The following CACNA1C variants were observed in gnomAD, a reference collection of about 807,000 sequenced individuals.
The protein encoded by CACNA1C is voltage-dependent L-type calcium channel subunit alpha-1C.
A neutral mutation model predicts 229.0 loss-of-function variants in CACNA1C; 30 were observed. The ratio of observed to expected loss-of-function variants is 0.13; its 90% CI spans 0.10 to 0.18. The LOEUF is 0.18. Among genes scored for constraint, CACNA1C ranks in the 10% least tolerant of loss-of-function variants. CACNA1C has a pLI of 1.00. For missense variants in CACNA1C, 1,658 were observed against 2,845.0 expected, an observed-to-expected ratio of 0.58 and a Z score of 9.49; for synonymous variants, 1,114 against 1,132.5, an observed-to-expected ratio of 0.98 and a Z score of 0.33.
chr12:2,021,406 C>G (rs1209767797), intron 1 of CACNA1C, among the ~76,000 whole-genome samples: 1 of 152,092 alleles, frequency 6.6e-6, no homozygotes, highest in Non-Finnish European at 1.5e-5. Flanking sequence ...TTGCCGGGCA[C>G]TATGGCTCAC....
At chr12:2,008,205 C>A (rs1308093555) in intron 1 of CACNA1C, among the ~76,000 whole-genome samples, 2 of 152,148 alleles carry the variant, frequency 1.3e-5, no homozygotes. Flanking sequence ...GCAGACTTGA[C>A]CTCCTGGGTT....
chr12:2,428,788 G>T (rs1391714079), intron 3 of CACNA1C, among the ~76,000 whole-genome samples: 1 of 152,240 alleles, frequency 6.6e-6, no homozygotes, highest in East Asian at 1.9e-4. Flanking sequence ...GCCCTGGGCA[G>T]TGACTTTGCA....
At chr12:2,663,523 A>T (rs1287737114) in intron 34 of CACNA1C, among the ~76,000 whole-genome samples, 1 of 152,112 alleles carries the variant, frequency 6.6e-6, no homozygotes, top group Admixed American at 6.6e-5. Context: ...CTGCACACAC[A>T]CATTTATAGC....
intron 4 of CACNA1C, among the ~76,000 whole-genome samples, chr12:2,451,218 G>T (rs1020669188): frequency 1.3e-5 from 2 of 152,344 alleles, no homozygotes; most frequent in Non-Finnish European, 1.5e-5. Context: ...TAAACAAAGA[G>T]TGGCTAAACG....
rs935489458 is a variant in CACNA1C, at chr12:2,146,651, C to T, written c.477+26221C>T. On this transcript the variant is annotated intron_variant, in intron 3 of 46. Coordinates refer to ENST00000399655, the MANE Select transcript of CACNA1C (RefSeq NM_000719.7). ...ATTGGAAAGGCATATTCTGTGTTTC[C>T]ACTATTGACAGCCTCAATTATTGGT... Among the ~76,000 whole-genome samples the T allele has an allele frequency of 7.3e-5, 11 of 151,194 alleles. No homozygotes were observed. In the Middle Eastern group the frequency reaches 0.01, roughly 141 times the overall value.
At chr12:2,445,424 A>C (rs2154561898) in intron 3 of CACNA1C, among the ~76,000 whole-genome samples, 1 of 152,298 alleles carries the variant, frequency 6.6e-6, no homozygotes, top group Admixed American at 6.5e-5. Flanking sequence ...TGCTTGAGTT[A>C]ATGTTGGATT....
chr12:2,099,409 T>C lies in CACNA1C; in HGVS notation c.50-15815T>C, dbSNP rs568535569. On this transcript the variant is annotated intron_variant, in intron 1 of 46. Transcript: ENST00000399655. ...GTGTGCTGAGTTCTTATGGGACTTC[T>C]TGCTTCTTTCTCTGTGGCTGCAGGG... Among the ~76,000 whole-genome samples the C allele has an allele frequency of 1.3e-4, 19 of 151,920 alleles. No individual in the cohort carries two copies. The East Asian group carries it at 3.7e-3, about 30-fold the overall frequency.
At chr12:2,290,233 GC>G (rs2093332902) in intron 3 of CACNA1C, among the ~76,000 whole-genome samples, 1 of 152,176 alleles carries the variant, frequency 6.6e-6, no homozygotes, top group Non-Finnish European at 1.5e-5. Context: ...CCTGGCCAGC[GC>G]CTGCCTTGCT....
rs3085990 is a variant in CACNA1C, at chr12:2,067,481, T to TGTGTGTGCGC, written c.49+13871_49+13872insTGTGTGCGCG. 0.032 allele frequency among the ~76,000 whole-genome samples: 4,462 copies of TGTGTGTGCGC among 140,816 alleles called. 84 individuals carry two copies. Among genetic ancestry groups the TGTGTGTGCGC allele is most frequent in the Non-Finnish European group, 0.038 (2,469 of 65,656 alleles). The allele number at this position is 140,816 out of a possible 152,430, so 92.4% of individuals were successfully genotyped here. On this transcript the variant is annotated intron_variant, in intron 1 of 46. Transcript: ENST00000399655. The surrounding 1 kb of genome is among the most constrained non-coding windows in gnomAD (Gnocchi z 5.3). ...GTGTGTGTGTGTGTGTGTGTGTGTG[T>TGTGTGTGCGC]GCGCGCGTGTGCGTGCCTGTATGTA... is the stretch of plus-strand genomic sequence containing the variant.
chr12:2,494,504 G>A (rs760971674), intron 7 of CACNA1C, among the ~76,000 whole-genome samples: 20 of 152,186 alleles, frequency 1.3e-4, no homozygotes, highest in Non-Finnish European at 2.2e-4. Context: ...TTTGCAAATA[G>A]GCAAATTTAT....
At chr12:2,432,174 T>G (rs2099092207) in intron 3 of CACNA1C, among the ~76,000 whole-genome samples, 1 of 152,204 alleles carries the variant, frequency 6.6e-6, no homozygotes, top group Non-Finnish European at 1.5e-5. Context: ...CTTTTTAAAT[T>G]AGATCTGCCT....
At chr12:2,190,875 C>T (rs1023864012) in intron 3 of CACNA1C, among the ~76,000 whole-genome samples, 2 of 152,160 alleles carry the variant, frequency 1.3e-5, no homozygotes, top group Non-Finnish European at 2.9e-5. Context: ...CCTTGGAACC[C>T]GCCCCCTTTT....
intron 1 of CACNA1C, among the ~76,000 whole-genome samples, chr12:2,031,343 C>G (rs147811281): frequency 6.6e-6 from 1 of 152,282 alleles, no homozygotes; most frequent in African/African-American, 2.4e-5. Flanking sequence ...TCCAAACCCT[C>G]TGGTGTCCAA....
In CACNA1C at chr12:2,664,834, C is replaced by A; in HGVS notation, c.4242C>A (p.Thr1414=). ...QAVLLLFRCA[T]GEAWQDIMLA... is the part of the protein sequence containing the mutation. ...TCTCCCTCCCCTCCAGGTGTGCCAC[C>A]GGGGAGGCCTGGCAGGACATCATGC... is the stretch of plus-strand genomic sequence containing the variant. The change falls in exon 35 of 47, where the codon ACC becomes ACA. Residue 1414 remains threonine (T), a synonymous_variant. Transcript: ENST00000399655. 1 of 1,591,970 alleles carries A rather than the reference C, an allele frequency of 6.3e-7. No homozygotes were observed. Among genetic ancestry groups the A allele is most frequent in the Non-Finnish European group, 8.6e-7 (1 of 1,166,952 alleles).
chr12:2,019,397 C>T (rs1228163316), intron 1 of CACNA1C, among the ~76,000 whole-genome samples: 2 of 150,312 alleles, frequency 1.3e-5, no homozygotes, highest in African/African-American at 4.9e-5. Flanking sequence ...GAGTGCAAGG[C>T]TGCAGTGAGC....
At chr12:2,148,847 A>T (rs1039924100) in intron 3 of CACNA1C, among the ~76,000 whole-genome samples, 2 of 152,112 alleles carry the variant, frequency 1.3e-5, no homozygotes, top group African/African-American at 4.8e-5. Flanking sequence ...TTGCCTTGGG[A>T]CCTGTGCTTC....
chr12:2,588,104 T>C (rs141393682), intron 18 of CACNA1C, among the ~76,000 whole-genome samples: 4 of 152,336 alleles, frequency 2.6e-5, no homozygotes, highest in African/African-American at 9.6e-5. Flanking sequence ...CTGGATCCTT[T>C]AGTGCCAGGT....
At position 2,029,217 on chromosome 12, in the gene CACNA1C, C is replaced by T. The variant is rs1425304293; in HGVS notation, c.139+58016C>T. ...ACAGTCCTGGGAACCTGCATTCTAT[C>T]GGAAAGCCAGTTGTCATTCGTGGGG... On this transcript the variant is annotated intron_variant, in intron 1 of 46. Coordinates refer to the CACNA1C transcript ENST00000682462. This position sits in a 1 kb window ranked among gnomAD's most constrained non-coding sequence, Gnocchi z 4.9. Among the ~76,000 whole-genome samples the T allele has an allele frequency of 1.3e-5, 2 of 152,162 alleles. No homozygotes were observed. The highest frequency in any genetic ancestry group is 2.9e-5 in the Non-Finnish European group (2 of 68,014).
At chr12:2,211,573 C>T (rs1210433614) in intron 3 of CACNA1C, among the ~76,000 whole-genome samples, 1 of 152,190 alleles carries the variant, frequency 6.6e-6, no homozygotes, top group Non-Finnish European at 1.5e-5. Context: ...AGCAGACTCT[C>T]CTTCTTCTAA....
Sources: gnomAD v4.1 joint callset for allele counts (sites outside exome capture counted in the v4.1 genomes callset) on GRCh38, gnomAD v4.1.1 for gene constraint, Gnocchi (gnomAD v3.1) non-coding constraint, MANE v1.5 for transcripts, NCBI Gene and HGNC (gene_info 2026-07-23, HGNC 2026-07-21) for gene names.